Variants in METTL9 observed in about 807,000 individuals in gnomAD.
METTL9 encodes protein-L-histidine N-pros-methyltransferase.
In METTL9, 10 loss-of-function variants were observed where a neutral mutation model predicts 36.0. That is an observed-to-expected ratio of 0.28 (90% CI 0.17 to 0.47). The LOEUF (loss-of-function observed/expected upper bound fraction) is 0.47. Ranked by LOEUF, METTL9 falls within the 20% of genes least tolerant of loss-of-function variation. The pLI, the probability that METTL9 is intolerant of heterozygous loss-of-function variation, is 0.99. For synonymous variants in METTL9, 175 were observed against 149.7 expected (o/e 1.17, Z -1.23); for missense variants, 246 against 383.5 (o/e 0.64, Z 3.00).
intron 4 of METTL9, chr16:21,640,952 C>T (rs1462759100): frequency 1.3e-5 from 2 of 152,042 alleles, no homozygotes; most frequent in African/African-American, 4.8e-5. Flanking sequence ...TGTATTTTGG[C>T]TTTTATGGTC....
intron 4 of METTL9, among the ~76,000 whole-genome samples, chr16:21,648,504 C>T (rs1305367289): frequency 6.6e-6 from 1 of 152,170 alleles, no homozygotes; most frequent in Non-Finnish European, 1.5e-5. Flanking sequence ...TGGTTGTGGA[C>T]GTCTAGCCAC....
intron 4 of METTL9, among the ~76,000 whole-genome samples, chr16:21,645,547 A>G (rs1473700450): frequency 3.9e-5 from 6 of 152,236 alleles, no homozygotes; most frequent in Non-Finnish European, 8.8e-5. Flanking sequence ...TAACAAATTA[A>G]CCACATCTAT....
At chr16:21,627,131 G>T in intron 4 of METTL9, 1 of 985,258 alleles carries the variant, frequency 1.0e-6, no homozygotes, top group Non-Finnish European at 1.2e-6. Context: ...GGCGCGCCAC[G>T]GCACTCTATT....
intron 4 of METTL9, among the ~76,000 whole-genome samples, chr16:21,628,398 A>G (rs1030331516): frequency 2.6e-5 from 4 of 152,244 alleles, no homozygotes; most frequent in Non-Finnish European, 5.9e-5. Flanking sequence ...CACTAGATGT[A>G]TAACTTTACT....
At chr16:21,650,999 G>A (rs533444247) in intron 4 of METTL9, among the ~76,000 whole-genome samples, 45 of 152,300 alleles carry the variant, frequency 3.0e-4, no homozygotes, top group Middle Eastern at 6.8e-3. Flanking sequence ...CGAGGCGGGC[G>A]GATCACGAGG....
In METTL9 at chr16:21,643,730, T is replaced by C. The variant is rs1247918036; in HGVS notation, c.752-11497T>C. On this transcript the variant is annotated intron_variant, in intron 4 of 4. Coordinates refer to ENST00000358154, the MANE Select transcript of METTL9 (RefSeq NM_016025.5). ...TATACAATGAGACTTAATTTTTACA[T>C]CATTTTTGAGATGCTTTTACTCCAT... The C allele has an allele frequency of 8.2e-6, 5 of 610,700 alleles. No homozygotes were observed. In the Admixed American group the frequency reaches 1.7e-4, roughly 21 times the overall value. 37.8% of individuals were successfully genotyped at this position (610,700 alleles called of 1,614,324 possible).
chr16:21,639,477 T>C (rs1324670870), intron 4 of METTL9: 2 of 152,212 alleles, frequency 1.3e-5, no homozygotes, highest in Admixed American at 1.3e-4. Context: ...CAGTCTGGCT[T>C]AGAAGCTCAT....
intron 2 of METTL9, 91 bp from the exon 3 acceptor site, chr16:21,617,774 G>A (rs1965590214): frequency 9.1e-7 from 1 of 1,103,736 alleles, no homozygotes; most frequent in Admixed American, 1.8e-5. Flanking sequence ...TATGGTTGTT[G>A]GTGCTGAGTC....
rs1965410029 is a variant in METTL9 at position 21,610,902 on chromosome 16, C to A, written c.166-1743C>A. On this transcript the variant is annotated intron_variant, in intron 1 of 4. Transcript: ENST00000358154. ...AAAAAATAAATAAAAGTCAGAGTGG[C>A]CTCCATATTACAGAGTTCAGAACGT... is the stretch of plus-strand genomic sequence containing the variant. Among the ~76,000 whole-genome samples, 2 of 152,042 alleles carry A rather than the reference C, an allele frequency of 1.3e-5. 1 individual carries two copies. The highest frequency in any genetic ancestry group is 4.8e-5 in the African/African-American group (2 of 41,390).
chr16:21,630,687 T>C (rs1208710967), intron 4 of METTL9, among the ~76,000 whole-genome samples: 1 of 152,174 alleles, frequency 6.6e-6, no homozygotes, highest in Non-Finnish European at 1.5e-5. Flanking sequence ...TCGGTAGAAG[T>C]TGTTAGTTGA....
intron 4 of METTL9, among the ~76,000 whole-genome samples, chr16:21,632,367 T>C (rs1174709283): frequency 4.6e-5 from 7 of 152,224 alleles, no homozygotes; most frequent in Non-Finnish European, 1.0e-4. Flanking sequence ...AGGCTTACTT[T>C]CAAGTACGGT....
At chr16:21,616,957 TCTTA>T (rs1353726925) in intron 2 of METTL9, among the ~76,000 whole-genome samples, 2 of 152,154 alleles carry the variant, frequency 1.3e-5, no homozygotes, top group African/African-American at 4.8e-5. Context: ...CACATTCATC[TCTTA>T]CTTATTTCTT....
intron 1 of METTL9, among the ~76,000 whole-genome samples, chr16:21,610,604 C>T (rs975767511): frequency 6.6e-5 from 10 of 152,282 alleles, no homozygotes; most frequent in African/African-American, 2.4e-4. Flanking sequence ...TTCAACCACA[C>T]GTGTTAATGT....
chr16:21,600,370 G>T (rs1965087663), intron 1 of METTL9, among the ~76,000 whole-genome samples: 1 of 152,158 alleles, frequency 6.6e-6, no homozygotes, highest in Non-Finnish European at 1.5e-5. Context: ...CGTACAAAGG[G>T]TCGTGAAGAA....
rs541282506 is a variant in METTL9 at position 21,622,141 on chromosome 16, C to CTTTTTTTT, written c.567-2776_567-2769dup. 2.1e-3 allele frequency among the ~76,000 whole-genome samples: 73 copies of CTTTTTTTT among 34,916 alleles called. 14 individuals are homozygous for CTTTTTTTT. Among genetic ancestry groups the CTTTTTTTT allele is most frequent in the East Asian group, 9.8e-3 (12 of 1,224 alleles). The allele number at this position is 34,916 out of a possible 152,430, so 22.9% of individuals were successfully genotyped here. ...ATAGGTGTGAGCCACCATGCCTGGC[C>CTTTTTTTT]TTTTTTTTTTTTTTTTTTTTTGAGA... On this transcript the variant is annotated intron_variant, in intron 3 of 4. Coordinates refer to ENST00000358154, the MANE Select transcript of METTL9 (RefSeq NM_016025.5).
intron 1 of METTL9, 106 bp downstream of exon 1, chr16:21,600,004 C>T: frequency 1.0e-6 from 1 of 976,278 alleles, no homozygotes; most frequent in South Asian, 5.1e-5. Flanking sequence ...GCCCGGCCCT[C>T]GCCCCTCCGC....
chr16:21,645,869 A>G (rs1427021483), intron 4 of METTL9, among the ~76,000 whole-genome samples: 1 of 152,220 alleles, frequency 6.6e-6, no homozygotes, highest in Non-Finnish European at 1.5e-5. Flanking sequence ...ACTTATTTAT[A>G]ATTTAGCTGA....
chr16:21,623,694 G>A (rs1209377927), intron 3 of METTL9, among the ~76,000 whole-genome samples: 3 of 152,140 alleles, frequency 2.0e-5, no homozygotes, highest in Non-Finnish European at 4.4e-5. Flanking sequence ...ATTGAGGATC[G>A]AGAGTGGTTT....
chr16:21,645,636 A>G (rs1028123171), intron 4 of METTL9, among the ~76,000 whole-genome samples: 3 of 152,216 alleles, frequency 2.0e-5, no homozygotes, highest in African/African-American at 7.2e-5. Context: ...CTGCCTTAAC[A>G]CTTTCAATTC....
Sources: allele counts gnomAD v4.1 joint callset (sites outside exome capture counted in the v4.1 genomes callset), GRCh38; gene constraint gnomAD v4.1.1; transcripts MANE v1.5; gene names NCBI Gene and HGNC (gene_info 2026-07-23, HGNC 2026-07-21).